The following CRYGN variants were observed in gnomAD, a reference collection of about 807,000 sequenced individuals.
CRYGN encodes the protein crystallin gamma N, also known as gamma-crystallin N.
Under a neutral mutation model 19.2 loss-of-function variants are expected in CRYGN, and 17 were observed. That is an observed-to-expected ratio of 0.89 (90% CI 0.61 to 1.33). CRYGN has a LOEUF of 1.33. CRYGN is among the 40% of genes most tolerant of loss of function. The pLI is 0.00. For synonymous variants in CRYGN, 84 were observed against 85.8 expected, an observed-to-expected ratio of 0.98 and a Z score of 0.12; for missense variants, 239 against 239.6, an observed-to-expected ratio of 1.00 and a Z score of 0.02.
intron 3 of CRYGN, among the ~76,000 whole-genome samples, chr7:151,434,488 G>A (rs975751203): frequency 1.3e-5 from 2 of 152,158 alleles, no homozygotes; most frequent in African/African-American, 4.8e-5. Flanking sequence ...TTCGTAAAAC[G>A]GAATCCTGGA....
intron 3 of CRYGN, among the ~76,000 whole-genome samples, chr7:151,434,012 T>G (rs998310744): frequency 6.6e-6 from 1 of 151,998 alleles, no homozygotes; most frequent in Non-Finnish European, 1.5e-5. Flanking sequence ...GGAAGGAGTC[T>G]TGGCAGTGGG....
Position 151,431,982 on chromosome 7 carries a change from C to G in CRYGN, c.417-1802G>C. On this transcript the variant is annotated intron_variant, in intron 3 of 3. Coordinates refer to ENST00000337323, the MANE Select transcript of CRYGN (RefSeq NM_144727.3). The surrounding 1 kb of genome is among the most constrained non-coding windows in gnomAD (Gnocchi z 4.8). ...GGGAGTCCGGGAAAGCGCCCTGGAT[C>G]ATCCAGCTCCTCCCAGGGCTGGGAT... The G allele has an allele frequency of 2.6e-6, 1 of 387,736 alleles. No individual in the cohort carries two copies. The highest frequency in any genetic ancestry group is 3.7e-5 in the East Asian group (1 of 27,300). The allele number at this position is 387,736 out of a possible 1,614,324, so 24.0% of individuals were successfully genotyped here.
chr7:151,432,163 A>C, intron 3 of CRYGN: 1 of 1,229,972 alleles, frequency 8.1e-7, no homozygotes, highest in Non-Finnish European at 1.0e-6. Context: ...GAAGAAGTTG[A>C]CCACCTTGTG....
At chr7:151,440,143 G>A (rs1801728029), upstream of CRYGN, 1 of 1,318,652 alleles carries the variant, frequency 7.6e-7, no homozygotes, top group Non-Finnish European at 9.7e-7. Context: ...TCCGCGTTTA[G>A]CTCCCGAGCC....
chr7:151,438,317 C>T, intron 1 of CRYGN, 73 bp from the exon 2 acceptor site: 1 of 1,474,860 alleles, frequency 6.8e-7, no homozygotes, highest in Non-Finnish European at 9.1e-7. Flanking sequence ...GCGTCTGGGT[C>T]CCAACACCCT....
In CRYGN at chr7:151,437,981, G is replaced by T; in HGVS notation, c.270+15C>A. The stretch of plus-strand genomic sequence containing the variant: ...CAGCAGGAAGACTCAGCCTTCGGTG[G>T]ACGGGCCCACTCACCATTCCTACAG... On this transcript the variant is annotated intron_variant, in intron 2 of 3. Transcript: ENST00000337323. 6.2e-7 allele frequency: 1 copy of T among 1,611,466 alleles called. No homozygotes were observed.
rs1801612713 is a variant in CRYGN, at chr7:151,436,520, T to C, written c.271-195A>G. Among the ~76,000 whole-genome samples, 1 of 152,160 alleles carries C rather than the reference T, an allele frequency of 6.6e-6. No individual in the cohort carries two copies. The highest frequency in any genetic ancestry group is 6.5e-5 in the Admixed American group (1 of 15,284). ...GTTGGAAGAAAGGGTTCTATTACTC[T>C]GAAAATGTTCCAAGCCACTGAGCTG... On this transcript the variant is annotated intron_variant, in intron 2 of 3. Coordinates refer to ENST00000337323, the MANE Select transcript of CRYGN (RefSeq NM_144727.3). The surrounding 1 kb of genome is among the most constrained non-coding windows in gnomAD (Gnocchi z 5.1).
In CRYGN at chr7:151,438,263, A is replaced by G; in HGVS notation, c.22-19T>C. The G allele has an allele frequency of 6.3e-7, 1 of 1,596,518 alleles. No homozygotes were observed. ...GAGTGATCTAGAAAGGGCAGGTTAC[A>G]GAGCTCAGGGTCAGGGGCTTCTCTC... is the stretch of plus-strand genomic sequence containing the variant. On this transcript the variant is annotated intron_variant, in intron 1 of 3. Coordinates refer to ENST00000337323, the MANE Select transcript of CRYGN (RefSeq NM_144727.3).
At chr7:151,432,350 G>A in intron 3 of CRYGN, 1 of 959,696 alleles carries the variant, frequency 1.0e-6, no homozygotes, top group Non-Finnish European at 1.4e-6. Flanking sequence ...GGAGAGAAAA[G>A]CCTGCACAGC....
At chr7:151,432,291 G>A in intron 3 of CRYGN, 1 of 1,228,946 alleles carries the variant, frequency 8.1e-7, no homozygotes, top group Non-Finnish European at 1.0e-6. Flanking sequence ...CCCACCTGGA[G>A]GCCAGGGGAG....
chr7:151,435,184 C>T lies in CRYGN; in HGVS notation c.416+996G>A, dbSNP rs1801571674. Reference sequence around the variant, plus strand: ...CTGTAGTATAGACGGCAAATTGTTCCTCAATTGCTTCGATAGGCGCCAGAA... The same window carrying T: ...CTGTAGTATAGACGGCAAATTGTTCTTCAATTGCTTCGATAGGCGCCAGAA... On this transcript the variant is annotated intron_variant, in intron 3 of 3. Coordinates refer to ENST00000337323, the MANE Select transcript of CRYGN (RefSeq NM_144727.3). This position sits in a 1 kb window ranked among gnomAD's most constrained non-coding sequence, Gnocchi z 4.2. Among the ~76,000 whole-genome samples the T allele has an allele frequency of 6.6e-6, 1 of 152,172 alleles. No individual in the cohort carries two copies. Among genetic ancestry groups the T allele is most frequent in the Non-Finnish European group, 1.5e-5 (1 of 68,036 alleles).
At chr7:151,432,816 C>G (rs556728482) in intron 3 of CRYGN, among the ~76,000 whole-genome samples, 1 of 152,168 alleles carries the variant, frequency 6.6e-6, no homozygotes, top group Non-Finnish European at 1.5e-5. Flanking sequence ...CACTGCACGC[C>G]CCACACACTC....
At position 151,436,172 on chromosome 7, in the gene CRYGN, G is replaced by A. The variant is rs114492931; in HGVS notation, c.416+8C>T. On this transcript the variant is annotated splice_region_variant and intron_variant, in intron 3 of 3. Transcript: ENST00000337323. The surrounding 1 kb of genome is among the most constrained non-coding windows in gnomAD (Gnocchi z 5.1). ...GCCTCGGGGTGCGGCCACGTGGCCT[G>A]TACTCACGCTCCGTCCCCGTACACC... 1.3e-3 allele frequency: 1,978 copies of A among 1,469,276 alleles called. 19 individuals carry two copies. The African/African-American group carries it at 0.023, about 17-fold the overall frequency. 91.0% of individuals were successfully genotyped at this position (1,469,276 alleles called of 1,614,324 possible).
Position 151,438,066 on chromosome 7 carries a change from C to T in CRYGN, c.200G>A (p.Gly67Asp). 1.2e-6 allele frequency: 2 copies of T among 1,614,068 alleles called. No homozygotes were observed. Among genetic ancestry groups the T allele is most frequent in the Non-Finnish European group, 1.7e-6 (2 of 1,180,030 alleles). Residue 67 changes from glycine to aspartate, a missense_variant, in exon 2 of 4, where the codon GGC (glycine) becomes GAC (aspartate). Coordinates refer to ENST00000337323, the MANE Select transcript of CRYGN (RefSeq NM_144727.3). ...CCAGCGGAAGAAGTCGGGGTAGTCG[C>T]CGTGCTCCAAGATGAACTGCTGGCC... The part of the protein sequence containing the change: ...FRGQQFILEH[G>D]DYPDFFRWNS...
At chr7:151,439,326 A>C (rs1234952756) in intron 1 of CRYGN, among the ~76,000 whole-genome samples, 4 of 152,052 alleles carry the variant, frequency 2.6e-5, no homozygotes, top group Non-Finnish European at 5.9e-5. Flanking sequence ...GGCCTTGGAG[A>C]CCAAAGGCTT....
rs1233252782 is a variant in CRYGN, at chr7:151,439,958, G to GC, written c.-42dup. On this transcript the variant is annotated 5_prime_UTR_variant, in exon 1 of 4. Coordinates refer to ENST00000337323, the MANE Select transcript of CRYGN (RefSeq NM_144727.3). The stretch of plus-strand genomic sequence containing the variant: ...TTCCGCGGGTCCCCGTTTACACCGG[G>GC]CAGCGCCCTGCTGGCTCAGCGCCGC... The GC allele has an allele frequency of 7.3e-6, 11 of 1,503,566 alleles. No individual in the cohort carries two copies. The highest frequency in any genetic ancestry group is 2.1e-5 in the Admixed American group (1 of 47,420). The allele number at this position is 1,503,566 out of a possible 1,614,324, so 93.1% of individuals were successfully genotyped here.
Position 151,438,057 on chromosome 7 carries a change from G to C in CRYGN, c.209C>G (p.Pro70Arg), listed in dbSNP as rs539977288. 6.2e-7 allele frequency: 1 copy of C among 1,614,056 alleles called. No homozygotes were observed. The highest frequency in any genetic ancestry group is 2.2e-5 in the East Asian group (1 of 44,892). ...GTGGCTGTTCCAGCGGAAGAAGTCG[G>C]GGTAGTCGCCGTGCTCCAAGATGAA... The part of the protein sequence containing the change: ...QQFILEHGDY[P>R]DFFRWNSHSD... The change falls in exon 2 of 4, where the codon CCC (proline) becomes CGC (arginine). Residue 70 changes from proline (P) to arginine (R), a missense_variant. Pro to Arg is a moderately radical substitution (Grantham distance 103). Coordinates refer to ENST00000337323, the MANE Select transcript of CRYGN (RefSeq NM_144727.3).
rs769215128 is a variant in CRYGN, at chr7:151,430,039, G to A, written c.*9C>T. 2 of 960,664 alleles carry A rather than the reference G, an allele frequency of 2.1e-6. No individual in the cohort carries two copies. The highest frequency in any genetic ancestry group is 3.4e-6 in the Non-Finnish European group (2 of 582,494). The allele number at this position is 960,664 out of a possible 1,614,324, so 59.5% of individuals were successfully genotyped here. A position where few individuals can be genotyped will look rare whatever the true frequency, so the allele number is the denominator to read the frequency against. ...TGCAGGTGCATTTACATGTCAATCG[G>A]TTCCAGGCTCAGAGGTTTGCAGTCA... On this transcript the variant is annotated 3_prime_UTR_variant, in exon 4 of 4. Coordinates refer to ENST00000337323, the MANE Select transcript of CRYGN (RefSeq NM_144727.3). The surrounding 1 kb of genome is among the most constrained non-coding windows in gnomAD (Gnocchi z 5.2).
chr7:151,437,441 C>A (rs1054535232), intron 2 of CRYGN, among the ~76,000 whole-genome samples: 12 of 152,228 alleles, frequency 7.9e-5, no homozygotes, highest in African/African-American at 2.2e-4. Context: ...AACAGTCTTT[C>A]GCCACCGGGG....
Sources: gnomAD v4.1 joint callset for allele counts (sites outside exome capture counted in the v4.1 genomes callset) on GRCh38, gnomAD v4.1.1 for gene constraint, Gnocchi (gnomAD v3.1) non-coding constraint, MANE v1.5 for transcripts, NCBI Gene and HGNC (gene_info 2026-07-23, HGNC 2026-07-21) for gene names.